Variants in PDE4B observed in about 807,000 individuals in gnomAD.
PDE4B encodes 3',5'-cyclic-AMP phosphodiesterase 4B.
Under a neutral mutation model 82.2 loss-of-function variants are expected in PDE4B, and 20 were observed. The ratio of observed to expected loss-of-function variants is 0.24; its 90% CI spans 0.17 to 0.35. The LOEUF is 0.35. Ranked by LOEUF, PDE4B falls within the 10% of genes least tolerant of loss-of-function variation. The pLI is 1.00. For synonymous variants in PDE4B, 320 were observed against 318.9 expected (o/e 1.00, Z -0.04); for missense variants, 655 against 907.2 (o/e 0.72, Z 3.57).
chr1:66,099,516 T>A (rs1645180462), intron 3 of PDE4B, among the ~76,000 whole-genome samples: 1 of 152,184 alleles, frequency 6.6e-6, no homozygotes, highest in Admixed American at 6.6e-5. Context: ...TTCATTGTTC[T>A]AATTCCTTTT....
chr1:65,997,462 A>G (rs537172098), intron 3 of PDE4B, among the ~76,000 whole-genome samples: 1 of 152,252 alleles, frequency 6.6e-6, no homozygotes, highest in Non-Finnish European at 1.5e-5. Context: ...ACAACACTGG[A>G]TTAAGTGGAG....
At chr1:65,958,143 A>G (rs985439539) in intron 3 of PDE4B, among the ~76,000 whole-genome samples, 2 of 152,028 alleles carry the variant, frequency 1.3e-5, no homozygotes, top group South Asian at 2.1e-4. Flanking sequence ...TGATTAGGTT[A>G]TGGGCGCTTT....
intron 3 of PDE4B, among the ~76,000 whole-genome samples, chr1:65,986,762 A>G (rs1182531069): frequency 6.6e-6 from 1 of 152,218 alleles, no homozygotes; most frequent in Non-Finnish European, 1.5e-5. Flanking sequence ...AGATGATAAC[A>G]AAGTCGTTAA....
chr1:66,285,557 C>T (rs142306455), intron 7 of PDE4B, among the ~76,000 whole-genome samples: 1 of 152,142 alleles, frequency 6.6e-6, no homozygotes, highest in East Asian at 1.9e-4. Flanking sequence ...TCCATGTGTC[C>T]ACTGTTTAAC....
chr1:66,098,023 A>G (rs1228494182), intron 3 of PDE4B, among the ~76,000 whole-genome samples: 1 of 152,118 alleles, frequency 6.6e-6, no homozygotes, highest in Non-Finnish European at 1.5e-5. Flanking sequence ...GGTGATAACT[A>G]TATAATGATT....
intron 3 of PDE4B, among the ~76,000 whole-genome samples, chr1:66,199,667 C>G (rs192812188): frequency 1.3e-5 from 2 of 152,178 alleles, no homozygotes; most frequent in Admixed American, 1.3e-4. Flanking sequence ...AAACATATTT[C>G]TTATTCTAAA....
intron 3 of PDE4B, among the ~76,000 whole-genome samples, chr1:66,127,426 G>A (rs1229361390): frequency 6.6e-6 from 1 of 152,116 alleles, no homozygotes; most frequent in Non-Finnish European, 1.5e-5. Flanking sequence ...GTTGAAAGCT[G>A]ATCCAAATCA....
At chr1:66,122,833 G>A (rs1271575909) in intron 3 of PDE4B, among the ~76,000 whole-genome samples, 1 of 150,028 alleles carries the variant, frequency 6.7e-6, no homozygotes, top group Non-Finnish European at 1.5e-5. Context: ...AGCCTCCCAA[G>A]TAGCTGGGAT....
At chr1:65,845,661 C>T (rs1229705634) in intron 1 of PDE4B, among the ~76,000 whole-genome samples, 3 of 152,114 alleles carry the variant, frequency 2.0e-5, no homozygotes, top group East Asian at 1.9e-4. Context: ...GAACAGTGCT[C>T]CTGCTGTCAC....
rs181262928 is a variant in PDE4B at position 65,958,797 on chromosome 1, G to T, written c.281+39962G>T. The stretch of plus-strand genomic sequence containing the variant: ...ATACACACACGCAAAATACCATAGT[G>T]TTACCTTATCTTTTTAACCTGTTTT... On this transcript the variant is annotated intron_variant, in intron 3 of 16. Transcript: ENST00000341517. 7.7e-4 allele frequency among the ~76,000 whole-genome samples: 117 copies of T among 152,046 alleles called. 1 individual carries two copies. The highest frequency in any genetic ancestry group is 2.5e-3 in the African/African-American group (104 of 41,490).
intron 4 of PDE4B, among the ~76,000 whole-genome samples, chr1:66,251,186 T>C (rs1265603942): frequency 6.6e-6 from 1 of 152,236 alleles, no homozygotes; most frequent in Non-Finnish European, 1.5e-5. Context: ...GAGTATTTTC[T>C]GTATGCTATC....
chr1:65,870,156 AGAG>A (rs1646557165), intron 1 of PDE4B, among the ~76,000 whole-genome samples: 1 of 152,194 alleles, frequency 6.6e-6, no homozygotes, highest in East Asian at 1.9e-4. Context: ...TTGTTTCCCA[AGAG>A]GGTTAGTTCT....
At position 66,189,735 on chromosome 1, in the gene PDE4B, T is replaced by C. The variant is rs1331071502; in HGVS notation, c.282-57725T>C. Among the ~76,000 whole-genome samples, 3 of 152,178 alleles carry C rather than the reference T, an allele frequency of 2.0e-5. No individual in the cohort carries two copies. In the East Asian group the frequency reaches 5.8e-4, roughly 29 times the overall value. On this transcript the variant is annotated intron_variant, in intron 3 of 16. Transcript: ENST00000341517. ...TGGTTATTCTAGTTGGCCATTCATC[T>C]AATTTTTTTTTCAAGGTTTTTAACT...
intron 8 of PDE4B, among the ~76,000 whole-genome samples, chr1:66,343,872 T>C (rs1661202705): frequency 6.6e-6 from 1 of 152,072 alleles, no homozygotes; most frequent in Admixed American, 6.5e-5. Context: ...TTTTTTTTTG[T>C]ATTTTCAGAA....
At chr1:65,826,296 A>T (rs983410995) in intron 1 of PDE4B, among the ~76,000 whole-genome samples, 2 of 152,210 alleles carry the variant, frequency 1.3e-5, no homozygotes, top group African/African-American at 4.8e-5. Flanking sequence ...TTTAATAAAT[A>T]TGGGACTTTT....
chr1:66,284,256 A>G (rs186493944), intron 7 of PDE4B, among the ~76,000 whole-genome samples: 4 of 152,292 alleles, frequency 2.6e-5, no homozygotes, highest in African/African-American at 9.6e-5. Flanking sequence ...AATTTTAAAA[A>G]TTAGTATTTC....
intron 3 of PDE4B, among the ~76,000 whole-genome samples, chr1:65,968,166 T>G (rs1047007165): frequency 1.3e-5 from 2 of 152,140 alleles, no homozygotes; most frequent in African/African-American, 4.8e-5. Context: ...GATTGAGTTC[T>G]AACGCCAGCT....
intron 1 of PDE4B, among the ~76,000 whole-genome samples, chr1:65,887,247 T>TTTCTTTC (rs1297971405): frequency 3.4e-4 from 13 of 37,716 alleles, no homozygotes; most frequent in East Asian, 9.4e-4. Flanking sequence ...TCTTTCTTTC[T>TTTCTTTC]TTTCTTTCTT....
intron 10 of PDE4B, 92 bp from the exon 11 acceptor site, chr1:66,363,076 A>G: frequency 2.4e-6 from 2 of 826,866 alleles, no homozygotes; most frequent in Non-Finnish European, 3.9e-6. Context: ...CTAAAGACTT[A>G]AACAGCCAAT....
Sources: gnomAD v4.1 joint callset for allele counts (sites outside exome capture counted in the v4.1 genomes callset) on GRCh38, gnomAD v4.1.1 for gene constraint, MANE v1.5 for transcripts, NCBI Gene and HGNC (gene_info 2026-07-23, HGNC 2026-07-21) for gene names.